The following ERO1B variants were observed in gnomAD, a reference collection of about 807,000 sequenced individuals.
The protein encoded by ERO1B is endoplasmic reticulum oxidoreductase 1 beta, also known as ERO1-like protein beta.
In ERO1B, 49 loss-of-function variants were observed where a neutral mutation model predicts 75.3. That is an observed-to-expected ratio of 0.65 (90% confidence interval 0.52 to 0.83). The LOEUF is 0.83. ERO1B is among the 40% of genes least tolerant of loss of function. ERO1B has a pLI of 0.00. For missense variants in ERO1B, 512 were observed against 560.1 expected (o/e 0.91, Z 0.87); for synonymous variants, 191 against 192.9 (o/e 0.99, Z 0.08).
chr1:236,269,062 C>T (rs2102965263), intron 2 of ERO1B, among the ~76,000 whole-genome samples: 1 of 152,110 alleles, frequency 6.6e-6, no homozygotes, highest in South Asian at 2.1e-4. Context: ...TGGCAAAACC[C>T]AGTCTGTACT....
intron 7 of ERO1B, among the ~76,000 whole-genome samples, 197 bp downstream of exon 7, chr1:236,236,081 T>G (rs993513446): frequency 6.6e-6 from 1 of 152,128 alleles, no homozygotes; most frequent in Non-Finnish European, 1.5e-5. Context: ...CCTGCCATCA[T>G]GCCCGGCTAA....
chr1:236,259,910 T>A (rs1292593635), intron 2 of ERO1B, among the ~76,000 whole-genome samples: 3 of 152,124 alleles, frequency 2.0e-5, no homozygotes, highest in Non-Finnish European at 4.4e-5. Flanking sequence ...GAATATTCCA[T>A]ACAACAGTAA....
At chr1:236,221,492 T>C (rs563686975) in intron 14 of ERO1B, among the ~76,000 whole-genome samples, 1 of 152,210 alleles carries the variant, frequency 6.6e-6, no homozygotes, top group Non-Finnish European at 1.5e-5. Flanking sequence ...CACAGAGTAA[T>C]GGACCTGTCT....
Position 236,263,778 on chromosome 1 carries a change from C to CT in ERO1B, c.222+6096dup. 1.8e-3 allele frequency among the ~76,000 whole-genome samples: 145 copies of CT among 80,268 alleles called. 27 individuals carry two copies. Among genetic ancestry groups the CT allele is most frequent in the African/African-American group, 2.4e-3 (46 of 19,120 alleles). 52.7% of individuals were successfully genotyped at this position (80,268 alleles called of 152,430 possible). A position where few individuals can be genotyped will look rare whatever the true frequency, so the allele number is the denominator to read the frequency against. On this transcript the variant is annotated intron_variant, in intron 2 of 15. Transcript: ENST00000354619. ...TATATTTTTTGTTTTATTTTGTTTG[C>CT]TTTTTTTTTTTTTTTTTTTTTTTTT...
intron 1 of ERO1B, among the ~76,000 whole-genome samples, chr1:236,280,736 T>C (rs544634973): frequency 1.5e-4 from 23 of 152,336 alleles, no homozygotes; most frequent in South Asian, 1.2e-3. Flanking sequence ...TTTTCTTGGA[T>C]GAGCACTAAT....
intron 13 of ERO1B, among the ~76,000 whole-genome samples, chr1:236,224,468 T>TAA (rs35284640): frequency 3.2e-4 from 34 of 106,652 alleles, no homozygotes; most frequent in South Asian, 9.5e-4. Flanking sequence ...AATTTAAAAG[T>TAA]AAAAAAAAAA....
Position 236,269,870 on chromosome 1 carries a change from C to A in ERO1B, c.222+5G>T. On this transcript the variant is annotated splice_donor_5th_base_variant and intron_variant, in intron 2 of 15. Coordinates refer to ENST00000354619, the MANE Select transcript of ERO1B (RefSeq NM_019891.4). ...TATCAACAGAATAAAAAATTACAAC[C>A]TTACCTTGTAATAACGAAAATAGTC... The A allele has an allele frequency of 6.3e-7, 1 of 1,580,748 alleles. No individual in the cohort carries two copies. The highest frequency in any genetic ancestry group is 1.3e-5 in the African/African-American group (1 of 74,338).
intron 2 of ERO1B, among the ~76,000 whole-genome samples, chr1:236,259,732 T>C (rs1558518973): frequency 6.6e-6 from 1 of 152,058 alleles, no homozygotes; most frequent in South Asian, 2.1e-4. Flanking sequence ...AAGGTAAATA[T>C]ATAAAGCAAA....
At chr1:236,271,561 AAT>A (rs1333504656) in intron 1 of ERO1B, among the ~76,000 whole-genome samples, 5 of 152,142 alleles carry the variant, frequency 3.3e-5, no homozygotes, top group Non-Finnish European at 5.9e-5. Flanking sequence ...GCCAGTCTGA[AAT>A]ATGTTTGTAA....
chr1:236,278,119 G>A (rs944748202), intron 1 of ERO1B, among the ~76,000 whole-genome samples: 3 of 152,046 alleles, frequency 2.0e-5, no homozygotes, highest in African/African-American at 7.2e-5. Context: ...TTCGAGGTTT[G>A]AGTTGAAAAT....
chr1:236,232,987 AAT>A (rs1664450613), intron 8 of ERO1B, 148 bp from the exon 9 acceptor site: 1 of 585,634 alleles, frequency 1.7e-6, no homozygotes, highest in Non-Finnish European at 2.8e-6. Flanking sequence ...GAGTCCTCTT[AAT>A]CAGAATACAG....
chr1:236,237,727 G>A (rs1195062440), intron 6 of ERO1B, among the ~76,000 whole-genome samples: 1 of 152,134 alleles, frequency 6.6e-6, no homozygotes, highest in South Asian at 2.1e-4. Flanking sequence ...ATTACCTGAT[G>A]GTATATTTTC....
At chr1:236,232,795 C>T (rs1664441055) in intron 9 of ERO1B, 33 bp downstream of exon 9, 2 of 1,583,552 alleles carry the variant, frequency 1.3e-6, no homozygotes, top group African/African-American at 2.7e-5. Flanking sequence ...ATTTCCTCCA[C>T]ACTTGAAACA....
chr1:236,241,271 C>T (rs1452607261), intron 6 of ERO1B, among the ~76,000 whole-genome samples: 2 of 152,144 alleles, frequency 1.3e-5, no homozygotes, highest in Non-Finnish European at 2.9e-5. Flanking sequence ...AGGCCAGGCA[C>T]GGTGGCTGAT....
At chr1:236,233,259 A>G (rs1471241176) in intron 8 of ERO1B, among the ~76,000 whole-genome samples, 1 of 151,150 alleles carries the variant, frequency 6.6e-6, no homozygotes, top group African/African-American at 2.4e-5. Flanking sequence ...CAGTGAGCCA[A>G]GATCGCGCCA....
chr1:236,252,204 G>C lies in ERO1B; in HGVS notation c.307-113C>G, dbSNP rs984894240. ...TTTCATCAAGCATTTTACTCTATGA[G>C]GGGCAAATATACACTCACTCAAATT... On this transcript the variant is annotated intron_variant, in intron 3 of 15. Transcript: ENST00000354619. 4.1e-5 allele frequency: 28 copies of C among 688,652 alleles called. No individual in the cohort carries two copies. In the Admixed American group the frequency reaches 6.6e-4, roughly 16 times the overall value. The allele number at this position is 688,652 out of a possible 1,614,324, so 42.7% of individuals were successfully genotyped here. A position where few individuals can be genotyped will look rare whatever the true frequency, so the allele number is the denominator to read the frequency against.
At chr1:236,256,252 C>G (rs1168827194) in intron 2 of ERO1B, among the ~76,000 whole-genome samples, 1 of 152,154 alleles carries the variant, frequency 6.6e-6, no homozygotes, top group Non-Finnish European at 1.5e-5. Flanking sequence ...GCAAGGGGAC[C>G]TCTCCATGAC....
At chr1:236,223,318 T>C (rs554261953) in intron 13 of ERO1B, among the ~76,000 whole-genome samples, 1 of 152,088 alleles carries the variant, frequency 6.6e-6, no homozygotes, top group South Asian at 2.1e-4. Flanking sequence ...GCGGATAAGA[T>C]TGGTTAAGAG....
intron 7 of ERO1B, among the ~76,000 whole-genome samples, 192 bp from the exon 8 acceptor site, chr1:236,236,027 T>C (rs59435495): frequency 0.068 from 10,388 of 152,098 alleles, 743 homozygotes; most frequent in East Asian, 0.39. Context: ...CGGGTTCAAG[T>C]GATTCTCCTG....
Sources: allele counts gnomAD v4.1 joint callset (sites outside exome capture counted in the v4.1 genomes callset), GRCh38; gene constraint gnomAD v4.1.1; transcripts MANE v1.5; gene names NCBI Gene and HGNC (gene_info 2026-07-23, HGNC 2026-07-21).